EIF2S2: variants seen among roughly 807,000 people sequenced by gnomAD.
The protein encoded by EIF2S2 is eukaryotic translation initiation factor 2 subunit 2.
A neutral mutation model predicts 44.0 loss-of-function variants in EIF2S2; 4 were observed. The ratio of observed to expected loss-of-function variants is 0.09; its 90% CI spans 0.04 to 0.21. EIF2S2 has a LOEUF of 0.21. Ranked by LOEUF, EIF2S2 falls within the 10% of genes least tolerant of loss-of-function variation. The pLI, the probability that EIF2S2 is intolerant of heterozygous loss-of-function variation, is 1.00. For synonymous variants in EIF2S2, 108 were observed against 128.3 expected, an observed-to-expected ratio of 0.84 and a Z score of 1.07; for missense variants, 154 against 392.0, an observed-to-expected ratio of 0.39 and a Z score of 5.13.
At chr20:34,092,334 T>G (rs2034175857) in intron 7 of EIF2S2, among the ~76,000 whole-genome samples, 1 of 152,224 alleles carries the variant, frequency 6.6e-6, no homozygotes, top group South Asian at 2.1e-4. Context: ...TTTTGCTCCC[T>G]CATTAGTTTG....
chr20:34,110,500 C>T (rs754655966), intron 1 of EIF2S2, among the ~76,000 whole-genome samples: 2 of 152,216 alleles, frequency 1.3e-5, no homozygotes, highest in Non-Finnish European at 2.9e-5. Flanking sequence ...TGGACCGGCA[C>T]CCCTAAGTGG....
intron 7 of EIF2S2, among the ~76,000 whole-genome samples, chr20:34,091,860 T>A (rs1430311962): frequency 7.1e-6 from 1 of 141,602 alleles, no homozygotes; most frequent in Non-Finnish European, 1.5e-5. Flanking sequence ...GACGTCCGAG[T>A]GGGACTCTCC....
At chr20:34,111,223 C>G (rs1416899550) in intron 1 of EIF2S2, among the ~76,000 whole-genome samples, 1 of 152,220 alleles carries the variant, frequency 6.6e-6, no homozygotes, top group East Asian at 1.9e-4. Flanking sequence ...CTTTCTCGAC[C>G]ATTCCTTTGC....
At chr20:34,105,659 TA>T in intron 1 of EIF2S2, 114 bp from the exon 2 acceptor site, 2 of 1,005,848 alleles carry the variant, frequency 2.0e-6, no homozygotes, top group Non-Finnish European at 2.8e-6. Flanking sequence ...TGTGATACAT[TA>T]AAACACCAAA....
intron 7 of EIF2S2, among the ~76,000 whole-genome samples, chr20:34,092,795 A>G (rs1409674025): frequency 1.3e-5 from 2 of 152,254 alleles, no homozygotes; most frequent in African/African-American, 4.8e-5. Context: ...TAAAGAGAGT[A>G]GGAAGAGAAC....
At chr20:34,102,397 T>A (rs1010523386) in intron 3 of EIF2S2, among the ~76,000 whole-genome samples, 1 of 152,220 alleles carries the variant, frequency 6.6e-6, no homozygotes, top group Non-Finnish European at 1.5e-5. Flanking sequence ...TTCTAAATTA[T>A]CCTTGAACCA....
intron 1 of EIF2S2, among the ~76,000 whole-genome samples, chr20:34,111,655 GA>G (rs943862137): frequency 5.9e-5 from 9 of 152,358 alleles, no homozygotes; most frequent in African/African-American, 2.2e-4. Flanking sequence ...AGATAGCCTA[GA>G]AAGTTTTAAC....
intron 1 of EIF2S2, among the ~76,000 whole-genome samples, chr20:34,106,938 T>C (rs2034356500): frequency 6.6e-6 from 1 of 152,016 alleles, no homozygotes; most frequent in Admixed American, 6.6e-5. Context: ...TCCCAGTACT[T>C]TGGGAGGCCG....
At chr20:34,111,804 T>G (rs1010961662) in intron 1 of EIF2S2, among the ~76,000 whole-genome samples, 2 of 152,194 alleles carry the variant, frequency 1.3e-5, no homozygotes, top group Non-Finnish European at 2.9e-5. Context: ...TCGGGGTTAT[T>G]AACCGGGCAT....
At chr20:34,092,698 A>G (rs137864786) in intron 7 of EIF2S2, among the ~76,000 whole-genome samples, 21 of 152,224 alleles carry the variant, frequency 1.4e-4, no homozygotes, top group Non-Finnish European at 2.4e-4. Context: ...AAAACCCACA[A>G]TTCTTCTACA....
chr20:34,092,244 G>A lies in EIF2S2; in HGVS notation c.740+1431C>T, dbSNP rs79066569. 1.4e-3 allele frequency among the ~76,000 whole-genome samples: 210 copies of A among 152,210 alleles called. 3 individuals are homozygous for A. In the East Asian group the frequency reaches 0.038, roughly 27 times the overall value. The stretch of plus-strand genomic sequence containing the variant: ...TAACCCATTGACCATAAGTTTACTG[G>A]CCACAACTTGTTATAATAGTTTATC... On this transcript the variant is annotated intron_variant, in intron 7 of 8. Coordinates refer to ENST00000374980, the MANE Select transcript of EIF2S2 (RefSeq NM_003908.5).
chr20:34,098,266 G>A (rs933769264), intron 4 of EIF2S2, among the ~76,000 whole-genome samples: 9 of 151,504 alleles, frequency 5.9e-5, no homozygotes, highest in Non-Finnish European at 1.2e-4. Flanking sequence ...AAAAAAATCC[G>A]GTTATAGTAA....
chr20:34,110,322 C>T (rs906137848), intron 1 of EIF2S2, among the ~76,000 whole-genome samples: 12 of 152,112 alleles, frequency 7.9e-5, no homozygotes, highest in African/African-American at 2.4e-4. Context: ...ACCTAGTCAA[C>T]AGCACTACAG....
At chr20:34,105,647 T>C in intron 1 of EIF2S2, 102 bp from the exon 2 acceptor site, 2 of 1,128,278 alleles carry the variant, frequency 1.8e-6, no homozygotes, top group Non-Finnish European at 2.4e-6. Flanking sequence ...CTTAAAAGAG[T>C]ATGTGATACA....
chr20:34,091,776 T>TTTTGGGG (rs4012181), intron 7 of EIF2S2, among the ~76,000 whole-genome samples: 6 of 95,808 alleles, frequency 6.3e-5, no homozygotes, highest in African/African-American at 1.8e-4. Context: ...TTTATTTTTT[T>TTTTGGGG]GGGGGGGGGG....
rs886887356 is a variant in EIF2S2, at chr20:34,088,515, T to C, written c.*1215A>G. 2 of 152,664 alleles carry C rather than the reference T, an allele frequency of 1.3e-5. No homozygotes were observed. The highest frequency in any genetic ancestry group is 2.4e-5 in the African/African-American group (1 of 41,452). 9.5% of individuals were successfully genotyped at this position (152,664 alleles called of 1,614,324 possible). ...CCCTCCACTGTTTTAGCCAAGGTGT[T>C]TGACAACACTTGGCCTGTACTTTAA... On this transcript the variant is annotated 3_prime_UTR_variant, in exon 9 of 9. Coordinates refer to ENST00000374980, the MANE Select transcript of EIF2S2 (RefSeq NM_003908.5).
chr20:34,093,836 G>A, intron 6 of EIF2S2, 105 bp from the exon 7 acceptor site: 2 of 1,016,464 alleles, frequency 2.0e-6, no homozygotes, highest in Non-Finnish European at 1.4e-6. Context: ...TAGCTATTAA[G>A]TGAATTTCAC....
At chr20:34,102,077 G>A (rs193071500) in intron 3 of EIF2S2, among the ~76,000 whole-genome samples, 148 of 152,248 alleles carry the variant, frequency 9.7e-4, no homozygotes, top group African/African-American at 3.3e-3. Context: ...GTGAATGTCC[G>A]TGCCTTGCCT....
Position 34,089,519 on chromosome 20 carries a change from A to G in EIF2S2, c.*211T>C, listed in dbSNP as rs1281157508. ...TTTTAAAAAAGCACCTCCTTACCCC[A>G]TATCACGTTTCTCTGACAGGTGTTA... is the stretch of plus-strand genomic sequence containing the variant. On this transcript the variant is annotated 3_prime_UTR_variant, in exon 9 of 9. Coordinates refer to ENST00000374980, the MANE Select transcript of EIF2S2 (RefSeq NM_003908.5). The G allele has an allele frequency of 2.4e-5, 13 of 539,310 alleles. No homozygotes were observed. Among genetic ancestry groups the G allele is most frequent in the South Asian group, 2.0e-4 (7 of 35,762 alleles). 33.4% of individuals were successfully genotyped at this position (539,310 alleles called of 1,614,324 possible).
Sources: allele counts gnomAD v4.1 joint callset (sites outside exome capture counted in the v4.1 genomes callset), GRCh38; gene constraint gnomAD v4.1.1; transcripts MANE v1.5; gene names NCBI Gene and HGNC (gene_info 2026-07-23, HGNC 2026-07-21).